GOLM1: variants seen among roughly 807,000 people sequenced by gnomAD.
GOLM1 encodes the protein golgi membrane protein 1.
A neutral mutation model predicts 50.5 loss-of-function variants in GOLM1; 31 were observed. The observed-to-expected ratio is 0.61, with a 90% CI of 0.46 to 0.83. The LOEUF (loss-of-function observed/expected upper bound fraction) is 0.83. GOLM1 is among the 40% of genes least tolerant of loss of function. The probability of loss-of-function intolerance (pLI) is 0.00; values close to 1 mark genes in which losing one functional copy is unlikely to be tolerated. For synonymous variants in GOLM1, 178 were observed against 192.8 expected, an observed-to-expected ratio of 0.92 and a Z score of 0.64; for missense variants, 491 against 501.3, an observed-to-expected ratio of 0.98 and a Z score of 0.20.
rs1835461286 is a variant in GOLM1, at chr9:86,099,421, G to T, written c.-32C>A. On this transcript the variant is annotated 5_prime_UTR_variant, in exon 1 of 10. Transcript: ENST00000388712. ...GCGCCGCCCACTCACCTCTTTTCGAGGCTCCGGCCGCCACTCGGGGATCCG... is the reference window on the plus strand; with the variant it reads ...GCGCCGCCCACTCACCTCTTTTCGATGCTCCGGCCGCCACTCGGGGATCCG... 6.6e-6 allele frequency: 1 copy of T among 151,264 alleles called. No individual in the cohort carries two copies. Among genetic ancestry groups the T allele is most frequent in the Admixed American group, 6.6e-5 (1 of 15,214 alleles). 9.4% of individuals were successfully genotyped at this position (151,264 alleles called of 1,614,324 possible).
In GOLM1 at chr9:86,036,687, C is replaced by G. The variant is rs187203014; in HGVS notation, c.598-180G>C. 3 of 622,314 alleles carry G rather than the reference C, an allele frequency of 4.8e-6. No individual in the cohort carries two copies. The African/African-American group carries it at 5.5e-5, about 11-fold the overall frequency. 38.5% of individuals were successfully genotyped at this position (622,314 alleles called of 1,614,324 possible). A position where few individuals can be genotyped will look rare whatever the true frequency, so the allele number is the denominator to read the frequency against. On this transcript the variant is annotated intron_variant, in intron 6 of 9. Transcript: ENST00000388712. ...TGGTCATGTGGCGTAAATCAGAAGA[C>G]AAGAGGTTGAGTCAAGGTCTCCCAG... is the stretch of plus-strand genomic sequence containing the variant.
chr9:86,072,427 C>T (rs1834475686), intron 3 of GOLM1, among the ~76,000 whole-genome samples: 1 of 152,114 alleles, frequency 6.6e-6, no homozygotes, highest in South Asian at 2.1e-4. Flanking sequence ...ACTTGCCCAC[C>T]CACCCTGGGT....
At chr9:86,069,812 C>T (rs1001423849) in intron 3 of GOLM1, among the ~76,000 whole-genome samples, 4 of 152,196 alleles carry the variant, frequency 2.6e-5, no homozygotes, top group African/African-American at 9.7e-5. Flanking sequence ...TTTTCTAATC[C>T]TCTGACTGCA....
Position 86,079,382 on chromosome 9 carries a change from T to A in GOLM1, c.-21-41A>T. On this transcript the variant is annotated intron_variant, in intron 1 of 9. Coordinates refer to ENST00000388712, the MANE Select transcript of GOLM1 (RefSeq NM_016548.4). The stretch of plus-strand genomic sequence containing the variant: ...AAATAAATAAACATCAATACTAGTT[T>A]TATCATCTCCGAAGCAGACCGTATC... The A allele has an allele frequency of 8.2e-6, 12 of 1,472,252 alleles. No individual in the cohort carries two copies. In the South Asian group the frequency reaches 1.5e-4, roughly 19 times the overall value. 91.2% of individuals were successfully genotyped at this position (1,472,252 alleles called of 1,614,324 possible). A position where few individuals can be genotyped will look rare whatever the true frequency, so the allele number is the denominator to read the frequency against.
chr9:86,049,349 T>C (rs1362344798), intron 4 of GOLM1, among the ~76,000 whole-genome samples: 1 of 152,198 alleles, frequency 6.6e-6, no homozygotes, highest in Non-Finnish European at 1.5e-5. Flanking sequence ...GTCTCGGCAA[T>C]GTGGGCTCTT....
intron 1 of GOLM1, among the ~76,000 whole-genome samples, chr9:86,082,793 T>C (rs1395379084): frequency 2.0e-5 from 3 of 152,340 alleles, no homozygotes; most frequent in African/African-American, 4.8e-5. Flanking sequence ...CGGATATTTG[T>C]ATTTTTTAAC....
chr9:86,056,053 T>C (rs924979712), intron 3 of GOLM1, among the ~76,000 whole-genome samples: 9 of 152,134 alleles, frequency 5.9e-5, no homozygotes, highest in Admixed American at 5.9e-4. Context: ...GTAAATAATA[T>C]CTTTCACATC....
At chr9:86,042,599 AC>A (rs1249068339) in intron 5 of GOLM1, among the ~76,000 whole-genome samples, 5 of 152,190 alleles carry the variant, frequency 3.3e-5, no homozygotes, top group African/African-American at 1.2e-4. Context: ...TACAATTCTC[AC>A]AAATATACAA....
chr9:86,090,211 G>A (rs1835132027), intron 1 of GOLM1, among the ~76,000 whole-genome samples: 1 of 152,162 alleles, frequency 6.6e-6, no homozygotes, highest in South Asian at 2.1e-4. Flanking sequence ...TTCCAGTCAG[G>A]AGGCACAGGG....
chr9:86,052,357 TA>T (rs1231892817), intron 4 of GOLM1, among the ~76,000 whole-genome samples, 179 bp downstream of exon 4: 2 of 152,300 alleles, frequency 1.3e-5, no homozygotes, highest in South Asian at 2.1e-4. Flanking sequence ...TATTTTTTTT[TA>T]AAAGGAAAAG....
At chr9:86,040,607 T>C (rs563795756) in intron 6 of GOLM1, 132 bp downstream of exon 6, 69 of 779,018 alleles carry the variant, frequency 8.9e-5, no homozygotes, top group Non-Finnish European at 1.3e-4. Context: ...GGTTCTGCTC[T>C]GTTATATCTC....
At chr9:86,068,086 G>A (rs994200113) in intron 3 of GOLM1, among the ~76,000 whole-genome samples, 3 of 152,066 alleles carry the variant, frequency 2.0e-5, no homozygotes, top group South Asian at 2.1e-4. Context: ...AAATGAGGTC[G>A]CTAGGTGGGC....
chr9:86,051,884 G>C (rs904509050), intron 4 of GOLM1, among the ~76,000 whole-genome samples: 1 of 152,094 alleles, frequency 6.6e-6, no homozygotes, highest in African/African-American at 2.4e-5. Context: ...TTCGAAACCA[G>C]CAATGACCAA....
rs751135314 is a variant in GOLM1, at chr9:86,079,359, A to C, written c.-21-18T>G. ...CTGAGAATCTGCCAAGTAAAAGCAA[A>C]TAAATAAACATCAATACTAGTTTTA... On this transcript the variant is annotated intron_variant, in intron 1 of 9. Coordinates refer to ENST00000388712, the MANE Select transcript of GOLM1 (RefSeq NM_016548.4). 1 of 1,551,110 alleles carries C rather than the reference A, an allele frequency of 6.4e-7. No homozygotes were observed. Among genetic ancestry groups the C allele is most frequent in the East Asian group, 2.3e-5 (1 of 44,022 alleles).
rs1044819305 is a variant in GOLM1 at position 86,026,530 on chromosome 9, C to T, written c.*1287G>A. 5 of 890,218 alleles carry T rather than the reference C, an allele frequency of 5.6e-6. No individual in the cohort carries two copies. The highest frequency in any genetic ancestry group is 5.2e-5 in the South Asian group (1 of 19,406). The allele number at this position is 890,218 out of a possible 1,614,324, so 55.1% of individuals were successfully genotyped here. A position where few individuals can be genotyped will look rare whatever the true frequency, so the allele number is the denominator to read the frequency against. On this transcript the variant is annotated 3_prime_UTR_variant, in exon 10 of 10. Coordinates refer to ENST00000388712, the MANE Select transcript of GOLM1 (RefSeq NM_016548.4). ...TCTGTAACTTCTAGGCCCCATTTTC[C>T]CCTCTGAAAATAAGAGGGTTGGATC...
At chr9:86,045,058 CTAATT>C (rs1275605706) in intron 5 of GOLM1, among the ~76,000 whole-genome samples, 7 of 152,110 alleles carry the variant, frequency 4.6e-5, no homozygotes, top group African/African-American at 1.7e-4. Flanking sequence ...GCATGTCTAT[CTAATT>C]TTACTTTTAT....
chr9:86,098,943 G>C (rs1433272698), intron 1 of GOLM1, among the ~76,000 whole-genome samples: 2 of 152,216 alleles, frequency 1.3e-5, no homozygotes, highest in Admixed American at 1.3e-4. Flanking sequence ...GGGCTGGAGG[G>C]GAGGAAGAGG....
At chr9:86,042,958 C>T (rs1184937091) in intron 5 of GOLM1, among the ~76,000 whole-genome samples, 2 of 152,178 alleles carry the variant, frequency 1.3e-5, no homozygotes, top group Non-Finnish European at 2.9e-5. Flanking sequence ...TATTCCAGCA[C>T]TAACTGGAGC....
At chr9:86,031,299 A>AT (rs1410940064) in intron 9 of GOLM1, among the ~76,000 whole-genome samples, 1 of 152,006 alleles carries the variant, frequency 6.6e-6, no homozygotes, top group African/African-American at 2.4e-5. Flanking sequence ...TGCCCTGAGG[A>AT]TTTCTGCTGA....
Sources: gnomAD v4.1 joint callset for allele counts (sites outside exome capture counted in the v4.1 genomes callset) on GRCh38, gnomAD v4.1.1 for gene constraint, MANE v1.5 for transcripts, NCBI Gene and HGNC (gene_info 2026-07-23, HGNC 2026-07-21) for gene names.